The following ATG10 variants were observed in gnomAD, a reference collection of about 807,000 sequenced individuals.
ATG10 encodes the protein ubiquitin-like-conjugating enzyme ATG10.
Under a neutral mutation model 32.1 loss-of-function variants are expected in ATG10, and 30 were observed. That is an observed-to-expected ratio of 0.94 (90% confidence interval 0.70 to 1.27). ATG10 has a LOEUF of 1.27. Ranked by LOEUF, ATG10 falls within the 50% of genes most tolerant of loss-of-function variation. The probability of loss-of-function intolerance (pLI) is 0.00; values close to 1 mark genes in which losing one functional copy is unlikely to be tolerated. For synonymous variants in ATG10, 87 were observed against 91.5 expected (o/e 0.95, Z 0.28); for missense variants, 233 against 262.3 (o/e 0.89, Z 0.77).
chr5:82,074,253 A>G (rs1021749018), intron 3 of ATG10, among the ~76,000 whole-genome samples: 7 of 152,244 alleles, frequency 4.6e-5, no homozygotes, highest in Non-Finnish European at 8.8e-5. Flanking sequence ...TACCCAAAGT[A>G]GAATACAGTA....
intron 2 of ATG10, among the ~76,000 whole-genome samples, chr5:82,015,598 CT>C (rs1762261996): frequency 6.6e-6 from 1 of 152,200 alleles, no homozygotes. Flanking sequence ...CACTGATACC[CT>C]TTCTTCCAGT....
intron 3 of ATG10, among the ~76,000 whole-genome samples, chr5:82,155,410 G>T (rs1767763326): frequency 6.6e-6 from 1 of 152,110 alleles, no homozygotes; most frequent in Non-Finnish European, 1.5e-5. Flanking sequence ...TTAAAATTAG[G>T]ATTTTCAGGG....
intron 2 of ATG10, among the ~76,000 whole-genome samples, chr5:82,041,793 A>AT (rs972692356): frequency 7.3e-5 from 11 of 150,382 alleles, no homozygotes; most frequent in African/African-American, 2.0e-4. Context: ...TGCTCTATTG[A>AT]TTTTTTCAGT....
chr5:81,989,177 A>G (rs1761380581), intron 2 of ATG10, among the ~76,000 whole-genome samples: 1 of 152,250 alleles, frequency 6.6e-6, no homozygotes, highest in South Asian at 2.1e-4. Flanking sequence ...CTTAGAGAAT[A>G]GGTAAATTTT....
chr5:82,199,349 A>G (rs1375850983), intron 5 of ATG10, among the ~76,000 whole-genome samples: 2 of 152,220 alleles, frequency 1.3e-5, no homozygotes, highest in Non-Finnish European at 2.9e-5. Flanking sequence ...ACAGCTAACT[A>G]GACTTGCGAG....
At chr5:82,094,532 A>T (rs534874250) in intron 3 of ATG10, among the ~76,000 whole-genome samples, 120 of 152,278 alleles carry the variant, frequency 7.9e-4, no homozygotes, top group African/African-American at 2.8e-3. Context: ...AATTTAAAAT[A>T]GTTATTTGAT....
intron 3 of ATG10, chr5:82,078,354 C>T (rs1764347604): frequency 6.6e-6 from 1 of 152,178 alleles, no homozygotes; most frequent in Non-Finnish European, 1.5e-5. Context: ...CACAATCATT[C>T]CTATGACTGC....
chr5:82,154,375 G>A (rs1168767296), intron 3 of ATG10, among the ~76,000 whole-genome samples: 1 of 152,118 alleles, frequency 6.6e-6, no homozygotes, highest in Non-Finnish European at 1.5e-5. Flanking sequence ...AATATTTAGT[G>A]TATCCTATAA....
intron 3 of ATG10, among the ~76,000 whole-genome samples, chr5:82,118,382 A>ATG (rs1404527358): frequency 2.7e-5 from 2 of 75,302 alleles, no homozygotes; most frequent in South Asian, 6.1e-4. Context: ...CATATAATAT[A>ATG]TGTACATATA....
chr5:82,053,724 A>G (rs953424450), intron 2 of ATG10, among the ~76,000 whole-genome samples: 8 of 152,170 alleles, frequency 5.3e-5, no homozygotes, highest in African/African-American at 9.6e-5. Context: ...TTATTCTTCT[A>G]CAGTGACAGA....
chr5:82,156,793 C>A (rs986136924), intron 3 of ATG10, among the ~76,000 whole-genome samples: 5 of 152,278 alleles, frequency 3.3e-5, no homozygotes, highest in African/African-American at 1.2e-4. Flanking sequence ...TCTGCTAATT[C>A]TTTTACTTTT....
chr5:82,085,576 C>T (rs541042859), intron 3 of ATG10, among the ~76,000 whole-genome samples: 9 of 151,534 alleles, frequency 5.9e-5, no homozygotes, highest in African/African-American at 1.2e-4. Flanking sequence ...CAACATGGCA[C>T]GTGTATACAT....
chr5:82,014,631 A>G (rs1401740967), intron 2 of ATG10, among the ~76,000 whole-genome samples: 1 of 152,070 alleles, frequency 6.6e-6, no homozygotes, highest in Admixed American at 6.5e-5. Context: ...AGTCTGTTTT[A>G]TCCGAGACTA....
At chr5:82,099,003 CA>C (rs1483525499) in intron 3 of ATG10, among the ~76,000 whole-genome samples, 1 of 152,116 alleles carries the variant, frequency 6.6e-6, no homozygotes, top group Admixed American at 6.6e-5. Context: ...AACCATGAAC[CA>C]AAAGCTAGAC....
At chr5:82,125,136 TG>T in intron 3 of ATG10, among the ~76,000 whole-genome samples, 1 of 152,224 alleles carries the variant, frequency 6.6e-6, no homozygotes. Flanking sequence ...TTGATGGGAT[TG>T]TTTTTTTCTT....
At chr5:82,112,137 T>C (rs1765639734) in intron 3 of ATG10, among the ~76,000 whole-genome samples, 2 of 151,890 alleles carry the variant, frequency 1.3e-5, no homozygotes, top group Non-Finnish European at 2.9e-5. Context: ...TGAAATTCTG[T>C]GGTTTGGGGA....
intron 4 of ATG10, among the ~76,000 whole-genome samples, chr5:82,167,493 A>G (rs918211705): frequency 6.6e-6 from 1 of 152,216 alleles, no homozygotes; most frequent in African/African-American, 2.4e-5. Flanking sequence ...CAAGAATGGA[A>G]ACATTGTGAT....
intron 3 of ATG10, among the ~76,000 whole-genome samples, chr5:82,135,678 A>T (rs1396872597): frequency 2.6e-5 from 4 of 152,192 alleles, no homozygotes; most frequent in Non-Finnish European, 5.9e-5. Flanking sequence ...TGTGGTGCTG[A>T]GAAGAATGTA....
chr5:82,129,534 A>G (rs1033735781), intron 3 of ATG10, among the ~76,000 whole-genome samples: 3 of 151,954 alleles, frequency 2.0e-5, no homozygotes, highest in African/African-American at 4.8e-5. Flanking sequence ...TTCTTTGTGG[A>G]CAATCTTTTT....
Sources: allele counts gnomAD v4.1 joint callset (sites outside exome capture counted in the v4.1 genomes callset), GRCh38; gene constraint gnomAD v4.1.1; transcripts MANE v1.5; gene names NCBI Gene and HGNC (gene_info 2026-07-23, HGNC 2026-07-21).